The following KRT82 variants were observed in gnomAD, a reference collection of about 807,000 sequenced individuals.
KRT82 encodes keratin 82.
KRT82 carries 44 observed loss-of-function variants against 48.0 expected under a neutral mutation model. The observed-to-expected ratio is 0.92, with a 90% CI of 0.72 to 1.18. The LOEUF (loss-of-function observed/expected upper bound fraction) is 1.18. KRT82 is among the 50% of genes most tolerant of loss of function. The pLI, the probability that KRT82 is intolerant of heterozygous loss-of-function variation, is 0.00. For synonymous variants in KRT82, 297 were observed against 278.3 expected (o/e 1.07, Z -0.67); for missense variants, 701 against 671.4 (o/e 1.04, Z -0.49).
chr12:52,395,035 G>T lies in KRT82; in HGVS notation c.1482C>A (p.Ser494Arg), dbSNP rs145430349. The stretch of plus-strand genomic sequence containing the variant: ...CTAGCGTCATGCTGGATTTCCGCCC[G>T]CTCCCACAGCTCAGTAGCCCCTGGG... ...CEPQGLLSCG[S>R]GRKSSMTLGA... The change falls in exon 9 of 9, where the codon AGC (serine) becomes AGA (arginine). Residue 494 changes from serine (S) to arginine (R), a missense_variant. By Grantham distance (110) the Ser-to-Arg change is moderately radical. Coordinates refer to ENST00000257974, the MANE Select transcript of KRT82 (RefSeq NM_033033.4). 8 of 1,613,836 alleles carry T rather than the reference G, an allele frequency of 5.0e-6. No individual in the cohort carries two copies. Among genetic ancestry groups the T allele is most frequent in the Middle Eastern group, 3.3e-4 (2 of 6,082 alleles).
chr12:52,400,128 G>A lies in KRT82; in HGVS notation c.799C>T (p.Gln267Ter). The change falls in exon 5 of 9, where the codon CAG (glutamine) becomes TAG (stop). Residue 267 changes from glutamine (Q) to a stop codon, truncating the protein, a stop_gained. Transcript: ENST00000257974. LOFTEE classifies it high-confidence loss of function. Reference protein sequence around the residue: ...YEEEICLLQSQISETSVIVKM... With the variant: ...YEEEICLLQS ...ACAATGACCGAGGTCTCAGAGATCTGAGACTGGAGCAGGCAGATCTCCTGG... is the reference window on the plus strand; with the variant it reads ...ACAATGACCGAGGTCTCAGAGATCTAAGACTGGAGCAGGCAGATCTCCTGG... 6.2e-7 allele frequency: 1 copy of A among 1,613,924 alleles called. No individual in the cohort carries two copies. Among genetic ancestry groups the A allele is most frequent in the Non-Finnish European group, 8.5e-7 (1 of 1,179,802 alleles).
chr12:52,396,852 G>A (rs762198939), intron 6 of KRT82, 31 bp downstream of exon 6: 6 of 1,612,278 alleles, frequency 3.7e-6, no homozygotes, highest in Middle Eastern at 1.9e-4. Context: ...CAGGATGGCT[G>A]TTGCAGCAAG....
rs200566666 is a variant in KRT82, at chr12:52,405,945, C to A, written c.333G>T (p.Pro111=). ...LLVPLALEID[P]TVQRVKRDEK... is the part of the protein sequence containing the mutation. ...CATCCCTCTTTACCCTCTGCACAGT[C>A]GGGTCTATCTCCAGTGCCAGTGGGA... Residue 111 remains proline (P), a synonymous_variant, in exon 1 of 9, where the codon CCG becomes CCT. Transcript: ENST00000257974. 2 of 1,614,216 alleles carry A rather than the reference C, an allele frequency of 1.2e-6. No homozygotes were observed. Among genetic ancestry groups the A allele is most frequent in the Non-Finnish European group, 1.7e-6 (2 of 1,180,026 alleles).
chr12:52,399,904 G>A, intron 5 of KRT82, 81 bp downstream of exon 5: 5 of 1,431,160 alleles, frequency 3.5e-6, no homozygotes, highest in Non-Finnish European at 4.8e-6. Context: ...ACCCACTTCT[G>A]CGGAGAAGGA....
At chr12:52,395,714 AC>A (rs1340842363) in intron 8 of KRT82, 44 bp downstream of exon 8, 24 of 1,489,306 alleles carry the variant, frequency 1.6e-5, no homozygotes, top group Non-Finnish European at 2.2e-5. Context: ...GGGGTGATCA[AC>A]CCCCAAGACT....
At chr12:52,405,832 G>A (rs1444070286) in intron 1 of KRT82, 35 bp downstream of exon 1, 2 of 1,569,416 alleles carry the variant, frequency 1.3e-6, no homozygotes, top group Non-Finnish European at 8.7e-7. Context: ...ATCTGCAGTG[G>A]GTCCTCTCAC....
intron 1 of KRT82, among the ~76,000 whole-genome samples, chr12:52,405,394 C>T (rs1939838981): frequency 6.6e-6 from 1 of 152,178 alleles, no homozygotes; most frequent in Non-Finnish European, 1.5e-5. Flanking sequence ...TCTGACTGTC[C>T]ACTTTCCTCT....
intron 1 of KRT82, 139 bp downstream of exon 1, chr12:52,405,728 C>A: frequency 1.3e-6 from 1 of 761,436 alleles, no homozygotes; most frequent in Non-Finnish European, 2.1e-6. Context: ...GGCTGGTGGT[C>A]GTGGAATGTG....
In KRT82 at chr12:52,396,236, T is replaced by C. The variant is rs755694137; in HGVS notation, c.1069-4A>G. On this transcript the variant is annotated splice_polypyrimidine_tract_variant and splice_region_variant and intron_variant, in intron 6 of 8. Coordinates refer to ENST00000257974, the MANE Select transcript of KRT82 (RefSeq NM_033033.4). ...TGGCACCCTCAAGTTTGCAGCGCTGTGGGAGGGGCGCAGAAAAGCATCACT... is the reference window on the plus strand; with the variant it reads ...TGGCACCCTCAAGTTTGCAGCGCTGCGGGAGGGGCGCAGAAAAGCATCACT... The C allele has an allele frequency of 3.7e-6, 6 of 1,609,440 alleles. No individual in the cohort carries two copies. The highest frequency in any genetic ancestry group is 5.1e-6 in the Non-Finnish European group (6 of 1,179,132).
chr12:52,403,810 C>G lies in KRT82; in HGVS notation c.511G>C (p.Gly171Arg). 1 of 1,613,848 alleles carries G rather than the reference C, an allele frequency of 6.2e-7. No individual in the cohort carries two copies. Among genetic ancestry groups the G allele is most frequent in the South Asian group, 1.1e-5 (1 of 91,078 alleles). ...TGCCGCCGAAGGGCGCTGATATAGCCCTCGAAGATGGGCTCGATGTTGGTC... is the reference window on the plus strand; with the variant it reads ...TGCCGCCGAAGGGCGCTGATATAGCGCTCGAAGATGGGCTCGATGTTGGTC... Reference protein sequence around the residue: ...CQTNIEPIFEGYISALRRQLD... With the variant: ...CQTNIEPIFERYISALRRQLD... The change falls in exon 2 of 9, where the codon GGC becomes CGC. Residue 171 changes from glycine (G) to arginine (R), a missense_variant. Transcript: ENST00000257974.
intron 2 of KRT82, 79 bp downstream of exon 2, chr12:52,403,622 T>C (rs1321438386): frequency 3.3e-6 from 3 of 907,368 alleles, no homozygotes; most frequent in Non-Finnish European, 5.2e-6. Context: ...TCCCATTTTA[T>C]AAATGGGGAA....
At chr12:52,395,331 C>G in intron 8 of KRT82, 136 bp from the exon 9 acceptor site, 1 of 688,678 alleles carries the variant, frequency 1.5e-6, no homozygotes, top group Non-Finnish European at 2.4e-6. Flanking sequence ...AGCCTCCAGC[C>G]TCCGCGTCTC....
chr12:52,398,977 C>T (rs1314235814), intron 5 of KRT82, among the ~76,000 whole-genome samples: 2 of 152,170 alleles, frequency 1.3e-5, no homozygotes, highest in Admixed American at 6.5e-5. Context: ...CCCTTTGAAT[C>T]TTATTTGTCC....
chr12:52,395,038 C>T lies in KRT82; in HGVS notation c.1479G>A (p.Gly493=). ...GCGTCATGCTGGATTTCCGCCCGCT[C>T]CCACAGCTCAGTAGCCCCTGGGGCT... ...PCEPQGLLSC[G]SGRKSSMTLG... is the part of the protein sequence containing the mutation. Residue 493 remains glycine, a synonymous_variant, in exon 9 of 9, where the codon GGG becomes GGA. Transcript: ENST00000257974. 1 of 1,613,962 alleles carries T rather than the reference C, an allele frequency of 6.2e-7. No individual in the cohort carries two copies. Among genetic ancestry groups the T allele is most frequent in the Non-Finnish European group, 8.5e-7 (1 of 1,179,984 alleles).
chr12:52,400,445 C>A, intron 4 of KRT82, 82 bp downstream of exon 4: 1 of 1,030,576 alleles, frequency 9.7e-7, no homozygotes, highest in South Asian at 1.3e-5. Context: ...CTGAAATGTA[C>A]CCACTGGGCG....
In KRT82 at chr12:52,403,736, G is replaced by C. The variant is rs1186248331; in HGVS notation, c.585C>G (p.Cys195Trp). The C allele has an allele frequency of 6.2e-7, 1 of 1,612,880 alleles. No homozygotes were observed. The highest frequency in any genetic ancestry group is 1.3e-5 in the African/African-American group (1 of 75,058). Residue 195 changes from cysteine (C) to tryptophan (W), a missense_variant, in exon 2 of 9, where the codon TGC (cysteine) becomes TGG (tryptophan). By Grantham distance (215) the Cys-to-Trp change is radical. Transcript: ENST00000257974. ...AGCCCTCCAGTGCAGCCTGGAGGCTGCAGAGCTCTGACTCTAGCCTCACGC... is the reference window on the plus strand; with the variant it reads ...AGCCCTCCAGTGCAGCCTGGAGGCTCCAGAGCTCTGACTCTAGCCTCACGC... ...GDRVRLESEL[C>W]SLQAALEGYK...
chr12:52,395,841 G>GT (rs1472038235), intron 7 of KRT82, 51 bp from the exon 8 acceptor site: 1 of 1,479,678 alleles, frequency 6.8e-7, no homozygotes, highest in Admixed American at 2.1e-5. Context: ...ACAGATGCAG[G>GT]TAAATGCAGC....
rs200534923 is a variant in KRT82 at position 52,403,762 on chromosome 12, G to C, written c.559C>G (p.Arg187Gly). 4 of 1,613,358 alleles carry C rather than the reference G, an allele frequency of 2.5e-6. No individual in the cohort carries two copies. The highest frequency in any genetic ancestry group is 3.4e-6 in the Non-Finnish European group (4 of 1,179,978). The change falls in exon 2 of 9, where the codon CGC (arginine) becomes GGC (glycine). Residue 187 changes from arginine (R) to glycine (G), a missense_variant. Coordinates refer to ENST00000257974, the MANE Select transcript of KRT82 (RefSeq NM_033033.4). The stretch of plus-strand genomic sequence containing the variant: ...CAGAGCTCTGACTCTAGCCTCACGC[G>C]GTCCCCGGACACACAGTCCAGCTGC... ...RRQLDCVSGD[R>G]VRLESELCSL...
intron 4 of KRT82, 95 bp downstream of exon 4, chr12:52,400,432 G>A (rs1565782360): frequency 2.1e-6 from 2 of 942,910 alleles, no homozygotes; most frequent in South Asian, 1.4e-5. Context: ...TTCCATGCTT[G>A]CCCTGAAATG....
Sources: allele counts gnomAD v4.1 joint callset (sites outside exome capture counted in the v4.1 genomes callset), GRCh38; gene constraint gnomAD v4.1.1; transcripts MANE v1.5; gene names NCBI Gene and HGNC (gene_info 2026-07-23, HGNC 2026-07-21).